The following PCDHGA3 variants were observed in gnomAD, a reference collection of about 807,000 sequenced individuals.
PCDHGA3 encodes the protein protocadherin gamma subfamily A, 3.
In PCDHGA3, 40 loss-of-function variants were observed where a neutral mutation model predicts 58.5. The observed-to-expected ratio is 0.68, with a 90% confidence interval of 0.53 to 0.89. The LOEUF (loss-of-function observed/expected upper bound fraction) is 0.89. Ranked by LOEUF, PCDHGA3 falls within the 40% of genes least tolerant of loss-of-function variation. The pLI, the probability that PCDHGA3 is intolerant of heterozygous loss-of-function variation, is 0.00. For missense variants in PCDHGA3, 1,223 were observed against 1,195.9 expected, an observed-to-expected ratio of 1.02 and a Z score of -0.33; for synonymous variants, 530 against 525.7, an observed-to-expected ratio of 1.01 and a Z score of -0.11.
At chr5:141,376,756 G>A (rs1049941497) in intron 1 of PCDHGA3, 9 of 448,098 alleles carry the variant, frequency 2.0e-5, no homozygotes, top group African/African-American at 1.7e-4. Context: ...GCGCAATCTC[G>A]GCTCACTGCA....
intron 1 of PCDHGA3, chr5:141,388,082 G>A (rs2091230905): frequency 2.9e-6 from 4 of 1,367,298 alleles, no homozygotes; most frequent in Non-Finnish European, 4.0e-6. Flanking sequence ...CTCGAAAACT[G>A]CGCGTCAGTT....
intron 1 of PCDHGA3, chr5:141,371,956 A>C: frequency 6.2e-7 from 1 of 1,613,272 alleles, no homozygotes; most frequent in Non-Finnish European, 8.5e-7. Flanking sequence ...CGAGCCTTCG[A>C]CCACGAGCAG....
rs1485715812 is a variant in PCDHGA3, at chr5:141,485,804, G to T, written c.2425-9003G>T. The T allele has an allele frequency of 6.2e-7, 1 of 1,614,218 alleles. No individual in the cohort carries two copies. The highest frequency in any genetic ancestry group is 1.7e-5 in the Admixed American group (1 of 60,026). ...AGAGAAGCAATCGGACTACCGCCTG[G>T]TGCTGACTGCTGTCGATGGAGGGAA... On this transcript the variant is annotated intron_variant, in intron 1 of 3. Coordinates refer to ENST00000253812, the MANE Select transcript of PCDHGA3 (RefSeq NM_018916.4). This position sits in a 1 kb window ranked among gnomAD's most constrained non-coding sequence, Gnocchi z 5.7.
chr5:141,413,865 C>A, intron 1 of PCDHGA3: 2 of 1,613,388 alleles, frequency 1.2e-6, no homozygotes, highest in Non-Finnish European at 1.7e-6. Context: ...CTGGCACTGT[C>A]CTTGTCAGTG....
At chr5:141,400,102 G>C (rs376189143) in intron 1 of PCDHGA3, 35 of 1,614,084 alleles carry the variant, frequency 2.2e-5, no homozygotes, top group Non-Finnish European at 3.0e-5. Context: ...GCTGCACTTG[G>C]TCTTTGCTGA....
At chr5:141,352,622 A>T in intron 1 of PCDHGA3, 1 of 1,612,530 alleles carries the variant, frequency 6.2e-7, no homozygotes. Flanking sequence ...TGTATGTGCC[A>T]GTAATGAAGA....
chr5:141,481,913 C>CA (rs34114744), intron 1 of PCDHGA3, among the ~76,000 whole-genome samples: 1,134 of 90,654 alleles, frequency 0.013, 16 homozygotes, highest in East Asian at 0.053. Flanking sequence ...AACTCCATCT[C>CA]AAAAAAAAAA....
chr5:141,362,286 C>G (rs747463615), intron 1 of PCDHGA3: 2 of 1,614,082 alleles, frequency 1.2e-6, no homozygotes, highest in Non-Finnish European at 1.7e-6. Context: ...GCCTGCGACT[C>G]TCTTCCAGGT....
At chr5:141,454,426 GAC>G (rs746508144) in intron 1 of PCDHGA3, among the ~76,000 whole-genome samples, 3 of 152,168 alleles carry the variant, frequency 2.0e-5, no homozygotes, top group Non-Finnish European at 2.9e-5. Context: ...TTTATTTAGA[GAC>G]AGAGTTTCAC....
At chr5:141,388,333 C>G (rs962073146) in intron 1 of PCDHGA3, 1 of 1,613,738 alleles carries the variant, frequency 6.2e-7, no homozygotes, top group African/African-American at 1.3e-5. Flanking sequence ...CAGCCTGGCA[C>G]ACGATTTATA....
At chr5:141,388,576 T>C (rs774429693) in intron 1 of PCDHGA3, 13 of 1,613,890 alleles carry the variant, frequency 8.1e-6, no homozygotes, top group South Asian at 3.3e-5. Context: ...ATACACGTTC[T>C]AGTGACTGAT....
chr5:141,452,172 T>G (rs1338447268), intron 1 of PCDHGA3, among the ~76,000 whole-genome samples: 1 of 152,206 alleles, frequency 6.6e-6, no homozygotes, highest in Non-Finnish European at 1.5e-5. Flanking sequence ...TTACTAACAT[T>G]TTTTATTTTG....
At chr5:141,443,538 G>A (rs768723399) in intron 1 of PCDHGA3, among the ~76,000 whole-genome samples, 2 of 152,118 alleles carry the variant, frequency 1.3e-5, no homozygotes, top group African/African-American at 4.8e-5. Flanking sequence ...TTTAAAGCTT[G>A]GGAAATTGTT....
chr5:141,403,964 G>T (rs1279237991), intron 1 of PCDHGA3: 1 of 1,613,704 alleles, frequency 6.2e-7, no homozygotes, highest in Non-Finnish European at 8.5e-7. Context: ...CATTTCGGTG[G>T]AAGATGTAAA....
At chr5:141,375,211 T>A in intron 1 of PCDHGA3, 1 of 1,614,010 alleles carries the variant, frequency 6.2e-7, no homozygotes, top group South Asian at 1.1e-5. Context: ...ATCGAGACTC[T>A]GGCCTGAATG....
At chr5:141,398,742 G>GAGT (rs2093697710) in intron 1 of PCDHGA3, 1 of 1,613,726 alleles carries the variant, frequency 6.2e-7, no homozygotes, top group Non-Finnish European at 8.5e-7. Flanking sequence ...GGGAACAACA[G>GAGT]AGTTACCATC....
At chr5:141,419,863 G>C in intron 1 of PCDHGA3, 1 of 1,614,108 alleles carries the variant, frequency 6.2e-7, no homozygotes, top group Non-Finnish European at 8.5e-7. Flanking sequence ...CAGATAGCTT[G>C]CAAGAGGTAC....
At chr5:141,380,278 A>G (rs1443350334) in intron 1 of PCDHGA3, among the ~76,000 whole-genome samples, 3 of 152,216 alleles carry the variant, frequency 2.0e-5, no homozygotes, top group African/African-American at 7.2e-5. Context: ...TCAGAGGAGA[A>G]ACATTGGAAG....
chr5:141,425,500 T>C (rs2096879850), intron 1 of PCDHGA3, among the ~76,000 whole-genome samples: 1 of 152,246 alleles, frequency 6.6e-6, no homozygotes, highest in South Asian at 2.1e-4. Context: ...GCTATACCTT[T>C]ATATTCTCTT....
Sources: allele counts gnomAD v4.1 joint callset (sites outside exome capture counted in the v4.1 genomes callset), GRCh38; gene constraint gnomAD v4.1.1; non-coding constraint Gnocchi (gnomAD v3.1); transcripts MANE v1.5; gene names NCBI Gene and HGNC (gene_info 2026-07-23, HGNC 2026-07-21).